TRIM47: variants seen among roughly 807,000 people sequenced by gnomAD.
TRIM47 encodes the protein E3 ubiquitin-protein ligase TRIM47.
Under a neutral mutation model 54.4 loss-of-function variants are expected in TRIM47, and 46 were observed. That is an observed-to-expected ratio of 0.84 (90% CI 0.67 to 1.08). The LOEUF (loss-of-function observed/expected upper bound fraction) is 1.08, where lower values mean the gene tolerates loss of function less well. TRIM47 is among the 50% of genes least tolerant of loss of function. The pLI is 0.00. For missense variants in TRIM47, 825 were observed against 910.1 expected, an observed-to-expected ratio of 0.91 and a Z score of 1.20; for synonymous variants, 392 against 410.2, an observed-to-expected ratio of 0.96 and a Z score of 0.54.
At position 75,875,920 on chromosome 17, in the gene TRIM47, T is replaced by C; in HGVS notation, c.1182A>G (p.Pro394=). Reference sequence around the variant, plus strand: ...GCCCACCTTCCGAGTCCAGCTTCTGTGGCCCATCCTCGTTGCCACCCGGCC... The same window carrying C: ...GCCCACCTTCCGAGTCCAGCTTCTGCGGCCCATCCTCGTTGCCACCCGGCC... ...LRGPGGNEDG[P]QKLDSEADAE... The change falls in exon 4 of 6, where the codon CCA becomes CCG. Residue 394 remains proline, a synonymous_variant. Transcript: ENST00000254816. The surrounding 1 kb of genome is among the most constrained non-coding windows in gnomAD (Gnocchi z 6.1). 6.2e-7 allele frequency: 1 copy of C among 1,612,308 alleles called. No homozygotes were observed. Among genetic ancestry groups the C allele is most frequent in the Non-Finnish European group, 8.5e-7 (1 of 1,179,852 alleles).
chr17:75,878,110 A>C lies in TRIM47; in HGVS notation c.439T>G (p.Cys147Gly). ...TGCGCGGGGCAAAAGGAGGCGAGGC[A>C]GGAGAGGCAGGACAGCGCGGCGGGC... Reference protein sequence around the residue: ...ALPAALSCLSCLASFCPAHLG... With the variant: ...ALPAALSCLSGLASFCPAHLG... The change falls in exon 1 of 6, where the codon TGC becomes GGC. Residue 147 changes from cysteine to glycine, a missense_variant. Cys to Gly is a radical substitution (Grantham distance 159). Coordinates refer to ENST00000254816, the MANE Select transcript of TRIM47 (RefSeq NM_033452.3). 4 of 1,302,666 alleles carry C rather than the reference A, an allele frequency of 3.1e-6. No individual in the cohort carries two copies. The highest frequency in any genetic ancestry group is 3.9e-6 in the Non-Finnish European group (4 of 1,028,764). 80.7% of individuals were successfully genotyped at this position (1,302,666 alleles called of 1,614,324 possible). A position where few individuals can be genotyped will look rare whatever the true frequency, so the allele number is the denominator to read the frequency against.
rs776696315 is a variant in TRIM47 at position 75,875,519 on chromosome 17, C to T, written c.1202-45G>A. 3 of 1,552,074 alleles carry T rather than the reference C, an allele frequency of 1.9e-6. No homozygotes were observed. Among genetic ancestry groups the T allele is most frequent in the African/African-American group, 1.4e-5 (1 of 73,620 alleles). ...GGTGAGAACGCCCCCAGACTGCCCCCCTCTGAACCTGTGACTACAATCCCT... is the reference window on the plus strand; with the variant it reads ...GGTGAGAACGCCCCCAGACTGCCCCTCTCTGAACCTGTGACTACAATCCCT... On this transcript the variant is annotated intron_variant, in intron 4 of 5. Coordinates refer to ENST00000254816, the MANE Select transcript of TRIM47 (RefSeq NM_033452.3). This position sits in a 1 kb window ranked among gnomAD's most constrained non-coding sequence, Gnocchi z 6.1.
Position 75,874,577 on chromosome 17 carries a change from C to G in TRIM47, c.1823G>C (p.Arg608Thr), listed in dbSNP as rs377715336. 4 of 1,538,104 alleles carry G rather than the reference C, an allele frequency of 2.6e-6. No individual in the cohort carries two copies. Among genetic ancestry groups the G allele is most frequent in the African/African-American group, 1.4e-5 (1 of 72,118 alleles). ...DSHFAGLFTH[R>T]LKPAFFLESV... ...CTCCAGGAAGAAGGCAGGCTTGAGT[C>G]TGTGGGTGAAGAGCCCCGCAAAGTG... The change falls in exon 6 of 6, where the codon AGA becomes ACA. Residue 608 changes from arginine (R) to threonine (T), a missense_variant. Physicochemically the swap from Arg to Thr is moderately conservative, Grantham distance 71. Coordinates refer to ENST00000254816, the MANE Select transcript of TRIM47 (RefSeq NM_033452.3). The surrounding 1 kb of genome is among the most constrained non-coding windows in gnomAD (Gnocchi z 6.2).
Position 75,876,325 on chromosome 17 carries a change from G to A in TRIM47, c.939C>T (p.Arg313=). Residue 313 remains arginine (R), a synonymous_variant, in exon 3 of 6, where the codon CGC becomes CGT. Coordinates refer to ENST00000254816, the MANE Select transcript of TRIM47 (RefSeq NM_033452.3). ...DLRRQEEQRS[R]LSRARQNLSQ... Reference sequence around the variant, plus strand: ...TGAGATTCTGGCGGGCTCGGCTCAGGCGGCTGCGCTGTTCCTCCTGTCGCC... The same window carrying A: ...TGAGATTCTGGCGGGCTCGGCTCAGACGGCTGCGCTGTTCCTCCTGTCGCC... The A allele has an allele frequency of 6.2e-7, 1 of 1,611,262 alleles. No homozygotes were observed. Among genetic ancestry groups the A allele is most frequent in the Non-Finnish European group, 8.5e-7 (1 of 1,179,942 alleles).
chr17:75,876,724 G>A lies in TRIM47; in HGVS notation c.765C>T (p.Leu255=), dbSNP rs148714828. The A allele has an allele frequency of 1.2e-6, 2 of 1,614,178 alleles. No individual in the cohort carries two copies. The highest frequency in any genetic ancestry group is 8.5e-7 in the Non-Finnish European group (1 of 1,180,006). Residue 255 remains leucine (L), a synonymous_variant, in exon 2 of 6, where the codon CTC becomes CTT. Transcript: ENST00000254816. ...GIAQSRRTVA[L]IKSAAVAERE... ...TGAGGGAGGGGTGTTTGACCTTGATGAGGGCCACTGTGCGCCTGGACTGTG... is the reference window on the plus strand; with the variant it reads ...TGAGGGAGGGGTGTTTGACCTTGATAAGGGCCACTGTGCGCCTGGACTGTG...
chr17:75,877,057 G>C, intron 1 of TRIM47: 1 of 561,528 alleles, frequency 1.8e-6, no homozygotes, highest in Non-Finnish European at 3.2e-6. Flanking sequence ...TCTCTGACAG[G>C]AGGCCTAGTA....
At position 75,874,486 on chromosome 17, in the gene TRIM47, C is replaced by A; in HGVS notation, c.1914G>T (p.Arg638Ser). ...GCAGGAGCGCCCGTGCCCGGCATCA[C>A]CTCCTCTTCAGCACGGATATGCAGG... Reference protein sequence around the residue: ...KKSCISVLKRR With the variant: ...KKSCISVLKRS The change falls in exon 6 of 6, where the codon AGG becomes AGT. Residue 638 changes from arginine to serine, a missense_variant. Arg to Ser is a moderately radical substitution (Grantham distance 110, BLOSUM62 -1). Coordinates refer to ENST00000254816, the MANE Select transcript of TRIM47 (RefSeq NM_033452.3). This position sits in a 1 kb window ranked among gnomAD's most constrained non-coding sequence, Gnocchi z 6.2. 6.7e-7 allele frequency: 1 copy of A among 1,497,656 alleles called. No homozygotes were observed. The highest frequency in any genetic ancestry group is 8.9e-7 in the Non-Finnish European group (1 of 1,123,194). The allele number at this position is 1,497,656 out of a possible 1,614,324, so 92.8% of individuals were successfully genotyped here.
intron 3 of TRIM47, 50 bp downstream of exon 3, chr17:75,876,212 C>A (rs1033909823): frequency 6.4e-7 from 1 of 1,571,286 alleles, no homozygotes; most frequent in Non-Finnish European, 8.6e-7. Flanking sequence ...TCCCTCCACC[C>A]CACCTGTCCC....
chr17:75,877,887 C>A lies in TRIM47; in HGVS notation c.662G>T (p.Arg221Leu). Residue 221 changes from arginine (R) to leucine (L), a missense_variant, in exon 1 of 6, where the codon CGC becomes CTC. By Grantham distance (102) the Arg-to-Leu change is moderately radical. Coordinates refer to ENST00000254816, the MANE Select transcript of TRIM47 (RefSeq NM_033452.3). Reference protein sequence around the residue: ...GHELVPLEQERALQEAEQSKV... With the variant: ...GHELVPLEQELALQEAEQSKV... ...CCCGGAGCCCACCTCCTGAAGCGCG[C>A]GCTCCTGCTCCAGCGGCACCAGCTC... 1 of 1,370,846 alleles carries A rather than the reference C, an allele frequency of 7.3e-7. No individual in the cohort carries two copies. The highest frequency in any genetic ancestry group is 9.4e-7 in the Non-Finnish European group (1 of 1,063,648). The allele number at this position is 1,370,846 out of a possible 1,614,324, so 84.9% of individuals were successfully genotyped here.
Position 75,878,295 on chromosome 17 carries a change from G to C in TRIM47, c.254C>G (p.Pro85Arg). The part of the protein sequence containing the change: ...ELLQLRQGSG[P>R]GSGPGPAPAL... ...AGGGGCCGGGCCGGGGCCGGACCCG[G>C]GGCCCGAGCCCTGGCGGAGCTGCAG... The change falls in exon 1 of 6, where the codon CCC (proline) becomes CGC (arginine). Residue 85 changes from proline (P) to arginine (R), a missense_variant. By Grantham distance (103) the Pro-to-Arg change is moderately radical. Coordinates refer to ENST00000254816, the MANE Select transcript of TRIM47 (RefSeq NM_033452.3). 2 of 1,272,084 alleles carry C rather than the reference G, an allele frequency of 1.6e-6. No individual in the cohort carries two copies. Among genetic ancestry groups the C allele is most frequent in the Non-Finnish European group, 2.0e-6 (2 of 1,007,672 alleles). The allele number at this position is 1,272,084 out of a possible 1,614,324, so 78.8% of individuals were successfully genotyped here.
chr17:75,876,804 A>G lies in TRIM47; in HGVS notation c.685T>C (p.Ser229Pro), dbSNP rs572760974. 2 of 1,614,000 alleles carry G rather than the reference A, an allele frequency of 1.2e-6. No homozygotes were observed. Among genetic ancestry groups the G allele is most frequent in the Non-Finnish European group, 1.7e-6 (2 of 1,180,018 alleles). ...TCCTCCACGGCGCTCAGGACTTTGG[A>G]CTGCTCAGCCTGTGGACAACACCCT... The part of the protein sequence containing the change: ...QERALQEAEQ[S>P]KVLSAVEDRM... The change falls in exon 2 of 6, where the codon TCC becomes CCC. Residue 229 changes from serine (S) to proline (P), a missense_variant. Ser to Pro is a moderately conservative substitution (Grantham distance 74). Coordinates refer to ENST00000254816, the MANE Select transcript of TRIM47 (RefSeq NM_033452.3).
In TRIM47 at chr17:75,877,052, GACAGGAGGCCTAGT is replaced by G. The variant is rs1000526359; in HGVS notation, c.676-253_676-240del. The G allele has an allele frequency of 1.4e-5, 8 of 563,920 alleles. No individual in the cohort carries two copies. In the African/African-American group the frequency reaches 1.5e-4, roughly 11 times the overall value. The allele number at this position is 563,920 out of a possible 1,614,324, so 34.9% of individuals were successfully genotyped here. A position where few individuals can be genotyped will look rare whatever the true frequency, so the allele number is the denominator to read the frequency against. ...GACTGGGTGTCTGCCTCGGGTCTCT[GACAGGAGGCCTAGT>G]ACAGGGCCGTCCGCTGGTCTCAGTG... is the stretch of plus-strand genomic sequence containing the variant. On this transcript the variant is annotated intron_variant, in intron 1 of 5. Coordinates refer to ENST00000254816, the MANE Select transcript of TRIM47 (RefSeq NM_033452.3).
chr17:75,875,660 G>A lies in TRIM47; in HGVS notation c.1202-186C>T. 1 of 714,514 alleles carries A rather than the reference G, an allele frequency of 1.4e-6. No individual in the cohort carries two copies. Among genetic ancestry groups the A allele is most frequent in the Non-Finnish European group, 2.4e-6 (1 of 420,854 alleles). 44.3% of individuals were successfully genotyped at this position (714,514 alleles called of 1,614,324 possible). On this transcript the variant is annotated intron_variant, in intron 4 of 5. Transcript: ENST00000254816. This position sits in a 1 kb window ranked among gnomAD's most constrained non-coding sequence, Gnocchi z 6.1. ...CTGTGTTCTGCCTCTTGCCCCATGTGCTTCCCGGGCCACAGCCCTCTGGAG... is the reference window on the plus strand; with the variant it reads ...CTGTGTTCTGCCTCTTGCCCCATGTACTTCCCGGGCCACAGCCCTCTGGAG...
At position 75,874,887 on chromosome 17, in the gene TRIM47, G is replaced by C. The variant is rs1235450200; in HGVS notation, c.1513C>G (p.Gln505Glu). ...AGCCGGCCGCGGTCGTAGGGCTCTT[G>C]TGGGGAGAAGTCTTCGGCCATGACC... The part of the protein sequence containing the change: ...MGVMAEDFSP[Q>E]EPYDRGRLGR... Residue 505 changes from glutamine (Q) to glutamate (E), a missense_variant, in exon 6 of 6, where the codon CAA becomes GAA. Physicochemically the swap from Gln to Glu is conservative, Grantham distance 29. Transcript: ENST00000254816. The surrounding 1 kb of genome is among the most constrained non-coding windows in gnomAD (Gnocchi z 6.2). The C allele has an allele frequency of 6.2e-7, 1 of 1,614,166 alleles. No individual in the cohort carries two copies. The highest frequency in any genetic ancestry group is 1.7e-5 in the Admixed American group (1 of 60,036).
At chr17:75,877,768 A>G in intron 1 of TRIM47, 106 bp downstream of exon 1, 1 of 1,254,034 alleles carries the variant, frequency 8.0e-7, no homozygotes, top group Middle Eastern at 3.1e-4. Context: ...TTAGAGGAGG[A>G]GATTAAGACC....
At position 75,876,040 on chromosome 17, in the gene TRIM47, C is replaced by T. The variant is rs761877823; in HGVS notation, c.1062G>A (p.Pro354=). 18 of 1,603,074 alleles carry T rather than the reference C, an allele frequency of 1.1e-5. No homozygotes were observed. The highest frequency in any genetic ancestry group is 3.3e-5 in the Admixed American group (2 of 60,026). Residue 354 remains proline (P), a synonymous_variant, in exon 4 of 6, where the codon CCG becomes CCA. Transcript: ENST00000254816. ...ATGATTTGGTGAAGCTGAGCTCCCT[C>T]GGGGGTCCAGGCCCAGGGCCACACC... is the stretch of plus-strand genomic sequence containing the variant. ...EDGCGPGPGP[P]RELSFTKSSQ...
In TRIM47 at chr17:75,878,167, G is replaced by T. The variant is rs2065147355; in HGVS notation, c.382C>A (p.Arg128Ser). 4 of 1,233,478 alleles carry T rather than the reference G, an allele frequency of 3.2e-6. No individual in the cohort carries two copies. The highest frequency in any genetic ancestry group is 4.0e-6 in the Non-Finnish European group (4 of 989,284). The allele number at this position is 1,233,478 out of a possible 1,614,324, so 76.4% of individuals were successfully genotyped here. A position where few individuals can be genotyped will look rare whatever the true frequency, so the allele number is the denominator to read the frequency against. The change falls in exon 1 of 6, where the codon CGC (arginine) becomes AGC (serine). Residue 128 changes from arginine to serine, a missense_variant. Arg to Ser is a moderately radical substitution (Grantham distance 110, BLOSUM62 -1). Transcript: ENST00000254816. ...GCGCCCTCGGGGCACGCGTCGCAGC[G>T]CACTGGCTCTTCGCCCGCGGGCCAC... ...EPWPAGEEPV[R>S]CDACPEGAAL...
intron 3 of TRIM47, 38 bp from the exon 4 acceptor site, chr17:75,876,137 A>T: frequency 6.3e-7 from 1 of 1,590,304 alleles, no homozygotes; most frequent in Admixed American, 1.7e-5. Flanking sequence ...GCTGCTGGCC[A>T]TGGCTCCTCC....
Position 75,875,612 on chromosome 17 carries a change from G to C in TRIM47, c.1202-138C>G, listed in dbSNP as rs1396605918. 11 of 805,022 alleles carry C rather than the reference G, an allele frequency of 1.4e-5. No homozygotes were observed. The highest frequency in any genetic ancestry group is 1.0e-4 in the Admixed American group (5 of 48,992). 49.9% of individuals were successfully genotyped at this position (805,022 alleles called of 1,614,324 possible). A position where few individuals can be genotyped will look rare whatever the true frequency, so the allele number is the denominator to read the frequency against. On this transcript the variant is annotated intron_variant, in intron 4 of 5. Coordinates refer to ENST00000254816, the MANE Select transcript of TRIM47 (RefSeq NM_033452.3). This position sits in a 1 kb window ranked among gnomAD's most constrained non-coding sequence, Gnocchi z 6.1. ...AAGCACCACCCAGATGTGGCACGCT[G>C]TGCTCACACACATGCCCGTTGCCTG...
Sources: gnomAD v4.1 joint callset for allele counts on GRCh38, gnomAD v4.1.1 for gene constraint, Gnocchi (gnomAD v3.1) non-coding constraint, MANE v1.5 for transcripts, NCBI Gene and HGNC (gene_info 2026-07-23, HGNC 2026-07-21) for gene names.